Variants in DENND10 observed in about 807,000 individuals in gnomAD.
DENND10 encodes the protein DENN domain containing 10.
A neutral mutation model predicts 43.6 loss-of-function variants in DENND10; 24 were observed. That is an observed-to-expected ratio of 0.55 (90% CI 0.40 to 0.77). The LOEUF is 0.77. Ranked by LOEUF, DENND10 falls within the 30% of genes least tolerant of loss-of-function variation. The probability of loss-of-function intolerance (pLI) is 0.00; values close to 1 mark genes in which losing one functional copy is unlikely to be tolerated. For missense variants in DENND10, 303 were observed against 429.9 expected (o/e 0.70, Z 2.61); for synonymous variants, 125 against 157.6 (o/e 0.79, Z 1.55).
intron 2 of DENND10, among the ~76,000 whole-genome samples, chr10:119,109,512 A>C (rs1844877434): frequency 6.6e-6 from 1 of 152,238 alleles, no homozygotes; most frequent in African/African-American, 2.4e-5. Context: ...ATACCAGCTT[A>C]AATTTTAAAA....
In DENND10 at chr10:119,132,730, TAGAG is replaced by T. The variant is rs568506797; in HGVS notation, c.897+124_897+127del. 7.6e-5 allele frequency: 61 copies of T among 798,344 alleles called. No homozygotes were observed. The African/African-American group carries it at 8.8e-4, about 12-fold the overall frequency. 49.5% of individuals were successfully genotyped at this position (798,344 alleles called of 1,614,324 possible). On this transcript the variant is annotated intron_variant, in intron 8 of 8. Transcript: ENST00000361432. The surrounding 1 kb of genome is among the most constrained non-coding windows in gnomAD (Gnocchi z 4.2). ...TGGTAGAGGCCAGCGGGCAGGTGCT[TAGAG>T]AGGGTTTACAGACGGCCACAGTGAT...
intron 8 of DENND10, chr10:119,133,336 C>CT (rs1011182982): frequency 2.6e-5 from 4 of 152,416 alleles, no homozygotes; most frequent in African/African-American, 9.7e-5. Context: ...CCCAGAAGGA[C>CT]TGTCTCCCAT....
chr10:119,127,343 T>C (rs1349975940), intron 6 of DENND10, among the ~76,000 whole-genome samples: 1 of 152,212 alleles, frequency 6.6e-6, no homozygotes, highest in Non-Finnish European at 1.5e-5. Flanking sequence ...ATTTATTGAA[T>C]AATCTCTTTC....
chr10:119,114,325 G>T (rs973561409), intron 3 of DENND10: 2 of 152,120 alleles, frequency 1.3e-5, no homozygotes, highest in African/African-American at 4.8e-5. Flanking sequence ...CATAGGCAAA[G>T]ACTTCTTTTC....
rs371713194 is a variant in DENND10 at position 119,111,883 on chromosome 10, A to G, written c.287A>G (p.Asp96Gly). Residue 96 changes from aspartate to glycine, a missense_variant, in exon 3 of 9, where the codon GAT becomes GGT. Asp to Gly is a moderately conservative substitution (Grantham distance 94). Transcript: ENST00000361432. ...THFSIVLTAK[D>G]FNPEKYAAFT... ...TTTTCTATTGTCCTGACCGCCAAAG[A>G]TTTTAACCCAGAGAAGTATGCTGCC... 4 of 1,613,718 alleles carry G rather than the reference A, an allele frequency of 2.5e-6. No homozygotes were observed. Among genetic ancestry groups the G allele is most frequent in the Non-Finnish European group, 3.4e-6 (4 of 1,179,698 alleles).
intron 6 of DENND10, among the ~76,000 whole-genome samples, chr10:119,125,278 G>C (rs982756632): frequency 1.3e-5 from 2 of 151,554 alleles, no homozygotes; most frequent in Admixed American, 1.3e-4. Context: ...GGCCGAACTT[G>C]TAAAGTTCTA....
intron 3 of DENND10, among the ~76,000 whole-genome samples, chr10:119,116,638 C>T (rs1845287309): frequency 1.3e-5 from 2 of 150,840 alleles, no homozygotes; most frequent in Non-Finnish European, 2.9e-5. Flanking sequence ...GAAGGTCTCT[C>T]AAGCTTTTTC....
At chr10:119,107,593 G>A (rs1844758645) in intron 1 of DENND10, among the ~76,000 whole-genome samples, 1 of 151,894 alleles carries the variant, frequency 6.6e-6, no homozygotes, top group African/African-American at 2.4e-5. Context: ...TAGTAGAGAT[G>A]GGGTTTCTCC....
intron 4 of DENND10, among the ~76,000 whole-genome samples, chr10:119,119,021 T>G (rs1845432209): frequency 1.3e-5 from 2 of 151,724 alleles, no homozygotes; most frequent in South Asian, 4.2e-4. Flanking sequence ...TTTTTTTTTT[T>G]TTTTTCTTTG....
chr10:119,129,712 T>C (rs1316910212), intron 7 of DENND10, 90 bp downstream of exon 7: 9 of 858,292 alleles, frequency 1.0e-5, no homozygotes, highest in East Asian at 2.5e-5. Context: ...ATGTGAGGGC[T>C]GGCTTACCAA....
chr10:119,136,192 A>C (rs908493656), intron 8 of DENND10, among the ~76,000 whole-genome samples: 2 of 152,028 alleles, frequency 1.3e-5, no homozygotes, highest in African/African-American at 2.4e-5. Flanking sequence ...ACAACAACAA[A>C]AAAAGGAGTT....
chr10:119,123,429 T>C, intron 5 of DENND10, 40 bp from the exon 6 acceptor site: 1 of 1,463,280 alleles, frequency 6.8e-7, no homozygotes, highest in Non-Finnish European at 9.6e-7. Context: ...CTTTAAGGTG[T>C]GGACCAGCAA....
rs1846126741 is a variant in DENND10, at chr10:119,132,377, T to TAGTG, written c.803-136_803-133dup. The TAGTG allele has an allele frequency of 1.4e-6, 1 of 710,576 alleles. No individual in the cohort carries two copies. Among genetic ancestry groups the TAGTG allele is most frequent in the Non-Finnish European group, 2.6e-6 (1 of 389,408 alleles). 44.0% of individuals were successfully genotyped at this position (710,576 alleles called of 1,614,324 possible). ...CCCAGCATGTTGTCATATTTGTGTC[T>TAGTG]AGTGATAAAATGGACATGTGGGAGG... On this transcript the variant is annotated intron_variant, in intron 7 of 8. Coordinates refer to ENST00000361432, the MANE Select transcript of DENND10 (RefSeq NM_207009.4). The surrounding 1 kb of genome is among the most constrained non-coding windows in gnomAD (Gnocchi z 4.2).
chr10:119,108,680 GGA>G (rs1180329911), intron 2 of DENND10, among the ~76,000 whole-genome samples: 1 of 150,758 alleles, frequency 6.6e-6, no homozygotes, highest in African/African-American at 2.4e-5. Context: ...TTTTTGAGAT[GGA>G]GTTTTTCTGT....
chr10:119,124,383 A>AT (rs1482051662), intron 6 of DENND10, among the ~76,000 whole-genome samples: 2 of 147,176 alleles, frequency 1.4e-5, no homozygotes, highest in Middle Eastern at 3.2e-3. Context: ...AAAAAAAAAA[A>AT]AAAAAAAATT....
At chr10:119,118,263 A>G (rs1387118231) in intron 4 of DENND10, among the ~76,000 whole-genome samples, 4 of 152,018 alleles carry the variant, frequency 2.6e-5, no homozygotes. Flanking sequence ...TTGTTTCCAT[A>G]TTATTCTATT....
intron 3 of DENND10, 141 bp from the exon 4 acceptor site, chr10:119,117,378 A>C (rs974881462): frequency 4.1e-5 from 35 of 856,750 alleles, no homozygotes; most frequent in Non-Finnish European, 6.0e-5. Context: ...TCTCAAAAAA[A>C]ACAGAAGAGT....
intron 5 of DENND10, among the ~76,000 whole-genome samples, chr10:119,121,130 TTTG>T (rs1348566502): frequency 6.6e-6 from 1 of 151,100 alleles, no homozygotes; most frequent in Non-Finnish European, 1.5e-5. Context: ...AAATGTAGAT[TTTG>T]TTGTTGTTAA....
At chr10:119,110,102 C>T (rs1204046486) in intron 2 of DENND10, among the ~76,000 whole-genome samples, 4 of 152,036 alleles carry the variant, frequency 2.6e-5, no homozygotes, top group East Asian at 1.9e-4. Context: ...CGCGAGCCAC[C>T]GCACCTGGCC....
Sources: allele counts gnomAD v4.1 joint callset (sites outside exome capture counted in the v4.1 genomes callset), GRCh38; gene constraint gnomAD v4.1.1; non-coding constraint Gnocchi (gnomAD v3.1); transcripts MANE v1.5; gene names NCBI Gene and HGNC (gene_info 2026-07-23, HGNC 2026-07-21).